The following KCNQ1 variants were observed in gnomAD, a reference collection of about 807,000 sequenced individuals.
The protein encoded by KCNQ1 is potassium voltage-gated channel subfamily Q member 1.
In KCNQ1, 49 loss-of-function variants were observed where a neutral mutation model predicts 72.4. The observed-to-expected ratio is 0.68, with a 90% CI of 0.54 to 0.86. KCNQ1 has a LOEUF of 0.86. KCNQ1 is among the 40% of genes least tolerant of loss of function. KCNQ1 has a pLI of 0.00. For missense variants in KCNQ1, 790 were observed against 945.1 expected (o/e 0.84, Z 2.15); for synonymous variants, 450 against 412.6 (o/e 1.09, Z -1.10).
Position 2,664,720 on chromosome 11 carries a change from C to T in KCNQ1, c.1514+2639C>T. The T allele has an allele frequency of 2.5e-6, 1 of 398,694 alleles. No individual in the cohort carries two copies. Among genetic ancestry groups the T allele is most frequent in the Non-Finnish European group, 4.4e-6 (1 of 226,158 alleles). 24.7% of individuals were successfully genotyped at this position (398,694 alleles called of 1,614,324 possible). ...CTGAACTGGGAAGAGAGGCACACGC[C>T]CTGGTGTGTGTGAGGGACAGGGATG... On this transcript the variant is annotated intron_variant, in intron 11 of 15. Coordinates refer to ENST00000155840, the MANE Select transcript of KCNQ1 (RefSeq NM_000218.3). This position sits in a 1 kb window ranked among gnomAD's most constrained non-coding sequence, Gnocchi z 5.1.
In KCNQ1 at chr11:2,724,485, G is replaced by A. The variant is rs1399917664; in HGVS notation, c.1515-44359G>A. On this transcript the variant is annotated intron_variant, in intron 11 of 15. Transcript: ENST00000155840. This position sits in a 1 kb window ranked among gnomAD's most constrained non-coding sequence, Gnocchi z 6.8. ...AGGAGGGTGGGAGGGCAAAGAGAGA[G>A]AAGTGGTGGGTGGCAGCGAGCAGGC... Among the ~76,000 whole-genome samples the A allele has an allele frequency of 6.6e-6, 1 of 152,190 alleles. No homozygotes were observed. The highest frequency in any genetic ancestry group is 2.4e-5 in the African/African-American group (1 of 41,454).
intron 1 of KCNQ1, 82 bp downstream of exon 1, chr11:2,445,566 GC>G: frequency 6.7e-7 from 1 of 1,501,068 alleles, no homozygotes; most frequent in African/African-American, 1.4e-5. Flanking sequence ...AGCGCCACCT[GC>G]CCCGTCGGAG....
intron 2 of KCNQ1, among the ~76,000 whole-genome samples, chr11:2,569,705 C>G (rs1291444343): frequency 6.6e-6 from 1 of 152,242 alleles, no homozygotes; most frequent in African/African-American, 2.4e-5. Context: ...CTCCAGCCTG[C>G]AGGTGGCCGC....
chr11:2,445,338 C>G lies in KCNQ1; in HGVS notation c.240C>G (p.Gly80=). The change falls in exon 1 of 16, where the codon GGC becomes GGG. Residue 80 remains glycine, a synonymous_variant. Coordinates refer to ENST00000155840, the MANE Select transcript of KCNQ1 (RefSeq NM_000218.3). ...CGCCCCCAGTTGCCTCCGACCTTGGCCCGCGGCCGCCGGTGAGCCTAGACC... is the reference window on the plus strand; with the variant it reads ...CGCCCCCAGTTGCCTCCGACCTTGGGCCGCGGCCGCCGGTGAGCCTAGACC... ...PAAPPVASDL[G]PRPPVSLDPR... 6.3e-7 allele frequency: 1 copy of G among 1,590,402 alleles called. No individual in the cohort carries two copies. Among genetic ancestry groups the G allele is most frequent in the Non-Finnish European group, 8.5e-7 (1 of 1,176,294 alleles).
chr11:2,635,675 G>A (rs1849453082), intron 10 of KCNQ1: 1 of 152,026 alleles, frequency 6.6e-6, no homozygotes, highest in South Asian at 2.1e-4. Context: ...GCTCTTTTTT[G>A]GTTCCATATG....
chr11:2,521,770 A>C (rs931825177), intron 1 of KCNQ1, among the ~76,000 whole-genome samples: 1 of 152,356 alleles, frequency 6.6e-6, no homozygotes, highest in African/African-American at 2.4e-5. Context: ...CCGAGTGGGC[A>C]TGGAAGGCCA....
At position 2,682,326 on chromosome 11, in the gene KCNQ1, G is replaced by A; in HGVS notation, c.1514+20245G>A. On this transcript the variant is annotated intron_variant, in intron 11 of 15. Transcript: ENST00000155840. This position sits in a 1 kb window ranked among gnomAD's most constrained non-coding sequence, Gnocchi z 5.8. ...CCTCCCATTCTTAATGTGTAACTGTGTGTTTATTTGTGGTAAAGGGTTTAC... is the reference window on the plus strand; with the variant it reads ...CCTCCCATTCTTAATGTGTAACTGTATGTTTATTTGTGGTAAAGGGTTTAC... 2.5e-6 allele frequency: 1 copy of A among 398,612 alleles called. No individual in the cohort carries two copies. The highest frequency in any genetic ancestry group is 4.4e-6 in the Non-Finnish European group (1 of 226,072). The allele number at this position is 398,612 out of a possible 1,614,324, so 24.7% of individuals were successfully genotyped here.
At chr11:2,571,905 C>G in intron 4 of KCNQ1, 108 bp from the exon 5 acceptor site, 1 of 895,354 alleles carries the variant, frequency 1.1e-6, no homozygotes, top group South Asian at 1.4e-5. Context: ...GAGTGGACGC[C>G]TGGGAGGGGC....
intron 1 of KCNQ1, among the ~76,000 whole-genome samples, chr11:2,466,657 G>T (rs1411976555): frequency 1.3e-5 from 2 of 152,158 alleles, no homozygotes; most frequent in African/African-American, 4.8e-5. Context: ...CTGCCAGGCT[G>T]CTGCCTGGGG....
At chr11:2,459,675 G>A (rs1846246122) in intron 1 of KCNQ1, among the ~76,000 whole-genome samples, 1 of 152,078 alleles carries the variant, frequency 6.6e-6, no homozygotes, top group East Asian at 1.9e-4. Context: ...TGAGGGCGTG[G>A]TCCCTCCCCC....
chr11:2,501,916 C>T (rs1847019823), intron 1 of KCNQ1, among the ~76,000 whole-genome samples: 1 of 152,120 alleles, frequency 6.6e-6, no homozygotes, highest in Non-Finnish European at 1.5e-5. Flanking sequence ...TTATGTGATA[C>T]ATCGTATCAA....
rs373828571 is a variant in KCNQ1 at position 2,761,160 on chromosome 11, G to A, written c.1515-7684G>A. Among the ~76,000 whole-genome samples, 8 of 152,292 alleles carry A rather than the reference G, an allele frequency of 5.3e-5. No homozygotes were observed. In the South Asian group the frequency reaches 8.3e-4, roughly 16 times the overall value. On this transcript the variant is annotated intron_variant, in intron 11 of 15. Transcript: ENST00000155840. The stretch of plus-strand genomic sequence containing the variant: ...GGGGGAGCAAGAAGGGAGATGGAGT[G>A]GGAGGGTGGTTTTCCCCTGGCATCA...
At chr11:2,801,498 A>G (rs1197021049) in intron 15 of KCNQ1, among the ~76,000 whole-genome samples, 1 of 152,238 alleles carries the variant, frequency 6.6e-6, no homozygotes, top group African/African-American at 2.4e-5. Flanking sequence ...TTCCTGGCTC[A>G]TAGGCTGGGC....
rs775790102 is a variant in KCNQ1 at position 2,723,437 on chromosome 11, A to G, written c.1515-45407A>G. Among the ~76,000 whole-genome samples, 14 of 152,184 alleles carry G rather than the reference A, an allele frequency of 9.2e-5. No homozygotes were observed. Among genetic ancestry groups the G allele is most frequent in the Non-Finnish European group, 1.6e-4 (11 of 68,010 alleles). ...CTTCTTGCTGAATGGGCAGGGAGAG[A>G]GGAGCTGTTAGGTGAGACCAGGTGG... On this transcript the variant is annotated intron_variant, in intron 11 of 15. Coordinates refer to ENST00000155840, the MANE Select transcript of KCNQ1 (RefSeq NM_000218.3). This position sits in a 1 kb window ranked among gnomAD's most constrained non-coding sequence, Gnocchi z 4.2.
At chr11:2,631,398 C>T (rs901127889) in intron 10 of KCNQ1, 2 of 398,302 alleles carry the variant, frequency 5.0e-6, no homozygotes, top group South Asian at 2.5e-4. Flanking sequence ...TCATTTCATG[C>T]ACTATATTCT....
In KCNQ1 at chr11:2,574,432, G is replaced by A. The variant is rs1848389508; in HGVS notation, c.921+1446G>A. Reference sequence around the variant, plus strand: ...GAGGCCGTCGAAGCCCACACAGGGTGGGAGCCAAGGCCTGGGGGCCGCACG... The same window carrying A: ...GAGGCCGTCGAAGCCCACACAGGGTAGGAGCCAAGGCCTGGGGGCCGCACG... On this transcript the variant is annotated intron_variant, in intron 6 of 15. Transcript: ENST00000155840. 5.3e-5 allele frequency among the ~76,000 whole-genome samples: 8 copies of A among 152,260 alleles called. No homozygotes were observed. In the South Asian group the frequency reaches 1.7e-3, roughly 32 times the overall value.
At chr11:2,503,963 C>G (rs1018231159) in intron 1 of KCNQ1, among the ~76,000 whole-genome samples, 2 of 152,170 alleles carry the variant, frequency 1.3e-5, no homozygotes, top group African/African-American at 4.8e-5. Context: ...TCTGATCCAG[C>G]AGTCCCACTC....
At chr11:2,519,769 GT>G (rs1245996214) in intron 1 of KCNQ1, among the ~76,000 whole-genome samples, 1 of 68,420 alleles carries the variant, frequency 1.5e-5, no homozygotes, top group African/African-American at 5.3e-5. Context: ...TACAGCAGGT[GT>G]TGGCCCCCCC....
rs188802280 is a variant in KCNQ1 at position 2,769,164 on chromosome 11, C to T, written c.1590+245C>T. On this transcript the variant is annotated intron_variant, in intron 12 of 15. Coordinates refer to ENST00000155840, the MANE Select transcript of KCNQ1 (RefSeq NM_000218.3). This position sits in a 1 kb window ranked among gnomAD's most constrained non-coding sequence, Gnocchi z 4.6. ...GAACCAGGGACACATGCAGTGTCTT[C>T]TTCACCAAGTAGAAGGCAGCAGCCG... Among the ~76,000 whole-genome samples the T allele has an allele frequency of 2.0e-5, 3 of 152,214 alleles. No homozygotes were observed. Among genetic ancestry groups the T allele is most frequent in the Middle Eastern group, 3.4e-3 (1 of 294 alleles).
Sources: gnomAD v4.1 joint callset for allele counts (sites outside exome capture counted in the v4.1 genomes callset) on GRCh38, gnomAD v4.1.1 for gene constraint, Gnocchi (gnomAD v3.1) non-coding constraint, MANE v1.5 for transcripts, NCBI Gene and HGNC (gene_info 2026-07-23, HGNC 2026-07-21) for gene names.